Variants in ADD3 observed in about 807,000 individuals in gnomAD.
The protein encoded by ADD3 is adducin 3, also known as gamma-adducin.
ADD3 carries 25 observed loss-of-function variants against 80.2 expected under a neutral mutation model. That is an observed-to-expected ratio of 0.31 (90% CI 0.23 to 0.44). ADD3 has a LOEUF of 0.44. ADD3 is among the 20% of genes least tolerant of loss of function. The pLI, the probability that ADD3 is intolerant of heterozygous loss-of-function variation, is 1.00. For missense variants in ADD3, 829 were observed against 847.5 expected (o/e 0.98, Z 0.27); for synonymous variants, 284 against 289.6 (o/e 0.98, Z 0.20).
intron 2 of ADD3, among the ~76,000 whole-genome samples, chr10:110,107,388 G>A (rs537271049): frequency 6.6e-5 from 10 of 152,250 alleles, no homozygotes; most frequent in African/African-American, 2.4e-4. Context: ...ATTGGATGAA[G>A]TAGATCGAGC....
At chr10:110,046,305 G>C (rs1856900479) in intron 1 of ADD3, among the ~76,000 whole-genome samples, 2 of 151,980 alleles carry the variant, frequency 1.3e-5, no homozygotes, top group Admixed American at 6.6e-5. Flanking sequence ...CTTTATTGTA[G>C]AGTACAGTAA....
chr10:110,005,149 G>A (rs1428112258), upstream of ADD3, among the ~76,000 whole-genome samples: 5 of 152,050 alleles, frequency 3.3e-5, no homozygotes, highest in Admixed American at 1.3e-4. Flanking sequence ...TGCAAGCTCC[G>A]CCTCCCGGGT....
intron 2 of ADD3, among the ~76,000 whole-genome samples, chr10:110,111,350 G>A (rs17127086): frequency 0.022 from 3,355 of 152,272 alleles, 129 homozygotes; most frequent in African/African-American, 0.072. Flanking sequence ...AAGGAGACAT[G>A]AGCAAAAGAA....
intron 1 of ADD3, among the ~76,000 whole-genome samples, chr10:110,093,402 T>C (rs138558020): frequency 6.6e-6 from 1 of 152,236 alleles, no homozygotes; most frequent in Admixed American, 6.5e-5. Context: ...TTGTTTTGTT[T>C]CATAATACAG....
intron 14 of ADD3, 133 bp downstream of exon 14, chr10:110,132,533 T>A: frequency 1.7e-6 from 1 of 596,958 alleles, no homozygotes; most frequent in Non-Finnish European, 3.0e-6. Flanking sequence ...TATCTCCCAA[T>A]AATTACATAT....
rs1425064355 is a variant in ADD3, at chr10:110,092,705, A to T, written c.-29-7920A>T. ...ACCTATGTAACAGACCTGCACATGT[A>T]CCCCCTGAACCTAACATAAAAGGGG... is the stretch of plus-strand genomic sequence containing the variant. On this transcript the variant is annotated intron_variant, in intron 1 of 14. Transcript: ENST00000356080. 3.9e-5 allele frequency among the ~76,000 whole-genome samples: 6 copies of T among 151,922 alleles called. 1 individual carries two copies. The highest frequency in any genetic ancestry group is 1.5e-4 in the African/African-American group (6 of 41,338).
At chr10:110,106,664 A>T (rs767826063) in intron 2 of ADD3, among the ~76,000 whole-genome samples, 17 of 152,084 alleles carry the variant, frequency 1.1e-4, no homozygotes, top group Non-Finnish European at 2.5e-4. Flanking sequence ...AGATTCAGAT[A>T]AGGCTTTTAA....
At chr10:110,046,420 ATTTT>A (rs61566100) in intron 1 of ADD3, among the ~76,000 whole-genome samples, 2 of 142,832 alleles carry the variant, frequency 1.4e-5, no homozygotes, top group African/African-American at 5.1e-5. Flanking sequence ...TTATACGTGG[ATTTT>A]TTTTTTTTTT....
At chr10:110,113,028 AATAC>A (rs780643817) in intron 3 of ADD3, 113 bp downstream of exon 3, 3 of 1,141,156 alleles carry the variant, frequency 2.6e-6, no homozygotes, top group Non-Finnish European at 3.8e-6. Context: ...TATAACATCT[AATAC>A]TTAGAGTAAC....
intron 2 of ADD3, among the ~76,000 whole-genome samples, chr10:110,105,772 C>G (rs1849338368): frequency 6.6e-6 from 1 of 152,122 alleles, no homozygotes; most frequent in South Asian, 2.1e-4. Flanking sequence ...GGAAGTAAGG[C>G]CTGAGTGTTA....
chr10:110,112,800 C>T lies in ADD3; in HGVS notation c.219C>T (p.Cys73=). 6.2e-7 allele frequency: 1 copy of T among 1,613,830 alleles called. No homozygotes were observed. The highest frequency in any genetic ancestry group is 8.5e-7 in the Non-Finnish European group (1 of 1,179,918). ...QSPAFREDLE[C]LIQEQMKKGH... is the part of the protein sequence containing the mutation. Reference sequence around the variant, plus strand: ...AGGCCTTTCGGGAAGACTTGGAATGCCTTATTCAAGAACAGATGAAGAAAG... The same window carrying T: ...AGGCCTTTCGGGAAGACTTGGAATGTCTTATTCAAGAACAGATGAAGAAAG... The change falls in exon 3 of 15, where the codon TGC becomes TGT. Residue 73 remains cysteine (C), a synonymous_variant. Coordinates refer to ENST00000356080, the MANE Select transcript of ADD3 (RefSeq NM_016824.5).
chr10:110,084,036 A>G (rs538631578), intron 1 of ADD3, among the ~76,000 whole-genome samples: 1 of 152,340 alleles, frequency 6.6e-6, no homozygotes, highest in African/African-American at 2.4e-5. Context: ...TAGACACTAT[A>G]GAACTAAGCT....
chr10:110,009,416 A>C (rs1289768286), intron 1 of ADD3, among the ~76,000 whole-genome samples: 1 of 152,158 alleles, frequency 6.6e-6, no homozygotes, highest in East Asian at 1.9e-4. Flanking sequence ...TCCTAGTGAG[A>C]GTGTTTTTAA....
intron 1 of ADD3, among the ~76,000 whole-genome samples, chr10:110,035,004 C>T (rs973541022): frequency 6.6e-6 from 1 of 152,196 alleles, no homozygotes; most frequent in Admixed American, 6.5e-5. Context: ...CATTAACCCT[C>T]AAACCAAATC....
chr10:110,031,420 G>C (rs1032115632), intron 1 of ADD3, among the ~76,000 whole-genome samples: 1 of 152,362 alleles, frequency 6.6e-6, no homozygotes, highest in African/African-American at 2.4e-5. Context: ...CGAAGAAACA[G>C]ATTCAGATAC....
In ADD3 at chr10:110,126,432, C is replaced by T; in HGVS notation, c.1537C>T (p.Arg513Ter). ...TTCAATTCAGATTCGGGAACAAAAT[C>T]GATATGACTTGAAAACAGCAGGACC... ...EKRNKIREQNRYDLKTAGPQS... is the reference protein window; with the variant it reads ...EKRNKIREQN The change falls in exon 12 of 15, where the codon CGA becomes TGA. Residue 513 changes from arginine (R) to a stop codon, truncating the protein, a stop_gained. Coordinates refer to ENST00000356080, the MANE Select transcript of ADD3 (RefSeq NM_016824.5). LOFTEE classifies it high-confidence loss of function. 1 of 1,613,316 alleles carries T rather than the reference C, an allele frequency of 6.2e-7. No homozygotes were observed. Among genetic ancestry groups the T allele is most frequent in the Non-Finnish European group, 8.5e-7 (1 of 1,179,746 alleles).
rs1853330629 is a variant in ADD3 at position 110,133,525 on chromosome 10, C to T, written c.2028C>T (p.Gly676=). 2 of 1,612,742 alleles carry T rather than the reference C, an allele frequency of 1.2e-6. No individual in the cohort carries two copies. Among genetic ancestry groups the T allele is most frequent in the Non-Finnish European group, 1.7e-6 (2 of 1,179,460 alleles). ...TCGAAGAAGTCCTGTCACCTGAAGG[C>T]TCCCCTTCAAAATCGCCATCCAAGA... ...EKIEEVLSPE[G]SPSKSPSKKK... Residue 676 remains glycine (G), a synonymous_variant, in exon 15 of 15, where the codon GGC becomes GGT. Coordinates refer to ENST00000356080, the MANE Select transcript of ADD3 (RefSeq NM_016824.5).
At chr10:110,064,099 T>C (rs1843616972) in intron 1 of ADD3, among the ~76,000 whole-genome samples, 1 of 152,138 alleles carries the variant, frequency 6.6e-6, no homozygotes, top group Non-Finnish European at 1.5e-5. Flanking sequence ...CTCTTTATTG[T>C]ATGTACTGTA....
At chr10:110,059,896 A>G (rs1397597237) in intron 1 of ADD3, among the ~76,000 whole-genome samples, 1 of 152,234 alleles carries the variant, frequency 6.6e-6, no homozygotes, top group Non-Finnish European at 1.5e-5. Context: ...TTAGTCCCAC[A>G]TGGCTTTTTA....
Sources: gnomAD v4.1 joint callset for allele counts (sites outside exome capture counted in the v4.1 genomes callset) on GRCh38, gnomAD v4.1.1 for gene constraint, MANE v1.5 for transcripts, NCBI Gene and HGNC (gene_info 2026-07-23, HGNC 2026-07-21) for gene names.